Variants in PTPRQ observed in about 807,000 individuals in gnomAD.
PTPRQ encodes the protein protein tyrosine phosphatase receptor type Q, also known as phosphatidylinositol phosphatase PTPRQ.
Under a neutral mutation model 246.0 loss-of-function variants are expected in PTPRQ, and 199 were observed. The observed-to-expected ratio is 0.81, with a 90% CI of 0.72 to 0.91. The LOEUF (loss-of-function observed/expected upper bound fraction) is 0.91. PTPRQ is among the 40% of genes least tolerant of loss of function. The pLI, the probability that PTPRQ is intolerant of heterozygous loss-of-function variation, is 0.00. For missense variants in PTPRQ, 2,624 were observed against 2,528.4 expected (o/e 1.04, Z -0.81); for synonymous variants, 869 against 853.2 (o/e 1.02, Z -0.32).
intron 26 of PTPRQ, among the ~76,000 whole-genome samples, chr12:80,594,908 G>A (rs1897919216): frequency 6.6e-6 from 1 of 151,998 alleles, no homozygotes; most frequent in African/African-American, 2.4e-5. Flanking sequence ...CAATACACCT[G>A]CCTGACCATG....
chr12:80,582,652 G>A (rs575114167), intron 25 of PTPRQ, among the ~76,000 whole-genome samples: 1 of 152,172 alleles, frequency 6.6e-6, no homozygotes, highest in African/African-American at 2.4e-5. Flanking sequence ...GTTCCAGAAC[G>A]TTGAGAAATA....
chr12:80,590,393 C>T (rs901054593), intron 26 of PTPRQ, among the ~76,000 whole-genome samples: 5 of 152,056 alleles, frequency 3.3e-5, no homozygotes, highest in Non-Finnish European at 5.9e-5. Context: ...ATGGGCTGGG[C>T]GCAGTGGTTC....
At chr12:80,635,616 A>C (rs1034750349) in intron 35 of PTPRQ, among the ~76,000 whole-genome samples, 4 of 152,084 alleles carry the variant, frequency 2.6e-5, no homozygotes, top group Non-Finnish European at 4.4e-5. Flanking sequence ...AAAAGTAAAA[A>C]CATGTGTACT....
chr12:80,642,935 A>AAAACAAC lies in PTPRQ; in HGVS notation c.5916-5959_5916-5958insCAACAAA, dbSNP rs1555210243. Among the ~76,000 whole-genome samples the AAAACAAC allele has an allele frequency of 1.2e-4, 18 of 145,642 alleles. 2 individuals are homozygous for AAAACAAC. Among genetic ancestry groups the AAAACAAC allele is most frequent in the African/African-American group, 3.8e-4 (14 of 36,454 alleles). On this transcript the variant is annotated intron_variant, in intron 35 of 44. Coordinates refer to ENST00000644991, the MANE Select transcript of PTPRQ (RefSeq NM_001145026.2). The stretch of plus-strand genomic sequence containing the variant: ...ACTCCGTCTTAAAAAAAAAAAAAAA[A>AAAACAAC]AAAAAAAAAAACAATTGAGTATCTC...
rs1478474977 is a variant in PTPRQ, at chr12:80,634,974, CA to C, written c.5817del (p.Tyr1940ThrfsTer13). On this transcript the variant is annotated frameshift_variant, in exon 35 of 45. Coordinates refer to ENST00000644991, the MANE Select transcript of PTPRQ (RefSeq NM_001145026.2). LOFTEE classifies it high-confidence loss of function. The part of the protein sequence containing the change: ...RIRQKQKEGG[T>X]YSPQDAEIID... ...CGACAGAAGCAGAAAGAAGGTGGCA[CA>C]TACTCTCCTCAGGATGCAGAAATTA... 10 of 1,550,968 alleles carry C rather than the reference CA, an allele frequency of 6.4e-6. No individual in the cohort carries two copies. Among genetic ancestry groups the C allele is most frequent in the Non-Finnish European group, 8.7e-6 (10 of 1,146,620 alleles).
chr12:80,575,797 C>A (rs1264393527), intron 25 of PTPRQ, among the ~76,000 whole-genome samples: 2 of 149,026 alleles, frequency 1.3e-5, no homozygotes, highest in African/African-American at 5.0e-5. Flanking sequence ...CAAGATCATG[C>A]CATTGCACTC....
At chr12:80,481,369 G>T (rs1382513707) in intron 8 of PTPRQ, among the ~76,000 whole-genome samples, 1 of 152,016 alleles carries the variant, frequency 6.6e-6, no homozygotes, top group African/African-American at 2.4e-5. Flanking sequence ...TTGATGGGAC[G>T]TATTTCAAAA....
At chr12:80,677,814 A>T (rs189401429) in intron 43 of PTPRQ, among the ~76,000 whole-genome samples, 1 of 152,336 alleles carries the variant, frequency 6.6e-6, no homozygotes, top group South Asian at 2.1e-4. Flanking sequence ...CAATTTGAAT[A>T]TATGTCTTAA....
rs187562977 is a variant in PTPRQ, at chr12:80,562,894, A to G, written c.4285+13160A>G. Among the ~76,000 whole-genome samples, 1,032 of 152,268 alleles carry G rather than the reference A, an allele frequency of 6.8e-3. 4 individuals carry two copies. Among genetic ancestry groups the G allele is most frequent in the Non-Finnish European group, 9.9e-3 (671 of 68,002 alleles). On this transcript the variant is annotated intron_variant, in intron 25 of 44. Transcript: ENST00000644991. ...CTCTAGCAAGCCTGACAAAGAAAAA[A>G]AGAGAAAATTCAAGAATGAAACAAG...
chr12:80,507,414 A>C (rs1316737838), intron 16 of PTPRQ, among the ~76,000 whole-genome samples: 1 of 151,950 alleles, frequency 6.6e-6, no homozygotes. Flanking sequence ...GAAGTATCAT[A>C]CGTGTTTGTG....
At chr12:80,624,318 A>G (rs898806309) in intron 33 of PTPRQ, among the ~76,000 whole-genome samples, 2 of 152,164 alleles carry the variant, frequency 1.3e-5, no homozygotes, top group East Asian at 3.9e-4. Flanking sequence ...CAAATTACTC[A>G]GAGTTCAGTG....
At chr12:80,564,198 C>T (rs1403505535) in intron 25 of PTPRQ, among the ~76,000 whole-genome samples, 2 of 152,098 alleles carry the variant, frequency 1.3e-5, no homozygotes, top group African/African-American at 2.4e-5. Flanking sequence ...CCCACTATCT[C>T]GTCATCTAGC....
chr12:80,446,854 A>G (rs1320591193), intron 3 of PTPRQ, among the ~76,000 whole-genome samples: 1 of 151,958 alleles, frequency 6.6e-6, no homozygotes, highest in Non-Finnish European at 1.5e-5. Context: ...TGACCTTGCT[A>G]TTGTGAATAA....
chr12:80,652,731 CTT>C lies in PTPRQ; in HGVS notation c.6025-11_6025-10del, dbSNP rs1370332437. On this transcript the variant is annotated splice_polypyrimidine_tract_variant and intron_variant, in intron 37 of 44. Coordinates refer to ENST00000644991, the MANE Select transcript of PTPRQ (RefSeq NM_001145026.2). ...CTGATAAATGTAAACTTTGTAATGA[CTT>C]TATTTTACAGGAATTACCAAAATTT... 6.7e-7 allele frequency: 1 copy of C among 1,488,454 alleles called. No homozygotes were observed. Among genetic ancestry groups the C allele is most frequent in the African/African-American group, 1.4e-5 (1 of 69,140 alleles). 92.2% of individuals were successfully genotyped at this position (1,488,454 alleles called of 1,614,324 possible). A position where few individuals can be genotyped will look rare whatever the true frequency, so the allele number is the denominator to read the frequency against.
At chr12:80,505,419 C>T (rs1428428616) in intron 14 of PTPRQ, among the ~76,000 whole-genome samples, 3 of 151,638 alleles carry the variant, frequency 2.0e-5, no homozygotes, top group Non-Finnish European at 2.9e-5. Flanking sequence ...AATATTTTAC[C>T]GGAATTAGAA....
chr12:80,626,279 C>A (rs1899198504), intron 33 of PTPRQ, among the ~76,000 whole-genome samples: 1 of 152,114 alleles, frequency 6.6e-6, no homozygotes. Context: ...GTATTTCAGG[C>A]AGGCTTGGTA....
intron 23 of PTPRQ, 56 bp downstream of exon 23, chr12:80,542,937 A>G: frequency 8.3e-7 from 1 of 1,203,430 alleles, no homozygotes; most frequent in Non-Finnish European, 1.1e-6. Flanking sequence ...TTGAATTAAA[A>G]TCTTTTGACA....
At chr12:80,565,685 A>C (rs1332846299) in intron 25 of PTPRQ, among the ~76,000 whole-genome samples, 1 of 152,236 alleles carries the variant, frequency 6.6e-6, no homozygotes, top group African/African-American at 2.4e-5. Context: ...AATGTAGAAT[A>C]CATGAATTTT....
chr12:80,534,591 T>C (rs928928656), intron 18 of PTPRQ, among the ~76,000 whole-genome samples: 1 of 152,180 alleles, frequency 6.6e-6, no homozygotes, highest in Non-Finnish European at 1.5e-5. Context: ...TTATGTATTT[T>C]GTATTGGAAA....
Sources: gnomAD v4.1 joint callset for allele counts (sites outside exome capture counted in the v4.1 genomes callset) on GRCh38, gnomAD v4.1.1 for gene constraint, MANE v1.5 for transcripts, NCBI Gene and HGNC (gene_info 2026-07-23, HGNC 2026-07-21) for gene names.